The following IL17RD variants were observed in gnomAD, a reference collection of about 807,000 sequenced individuals.
IL17RD encodes interleukin-17 receptor D.
A neutral mutation model predicts 80.5 loss-of-function variants in IL17RD; 52 were observed. The ratio of observed to expected loss-of-function variants is 0.65; its 90% confidence interval spans 0.52 to 0.81. The LOEUF (loss-of-function observed/expected upper bound fraction) is 0.81. Among genes scored for constraint, IL17RD ranks in the 40% least tolerant of loss-of-function variants. The pLI is 0.00. For missense variants in IL17RD, 1,024 were observed against 955.1 expected (o/e 1.07, Z -0.95); for synonymous variants, 416 against 391.8 (o/e 1.06, Z -0.73).
chr3:57,154,283 T>TATATATACACACACACACACACAC (rs904157398), intron 1 of IL17RD, among the ~76,000 whole-genome samples: 13 of 112,910 alleles, frequency 1.2e-4, no homozygotes, highest in African/African-American at 4.1e-4. Context: ...TATATATATA[T>TATATATACACACACACACACACAC]ACACACACAC....
rs1435703619 is a variant in IL17RD at position 57,100,985 on chromosome 3, T to C, written c.1164+194A>G. Among the ~76,000 whole-genome samples the C allele has an allele frequency of 2.0e-5, 3 of 152,148 alleles. No homozygotes were observed. In the East Asian group the frequency reaches 5.8e-4, roughly 29 times the overall value. The stretch of plus-strand genomic sequence containing the variant: ...TTGTCAGAGTTAGAACTAAGTATTA[T>C]GAAATATTTAGTGCTGGTGATGGGT... On this transcript the variant is annotated intron_variant, in intron 11 of 12. Transcript: ENST00000296318.
intron 1 of IL17RD, chr3:57,134,429 A>C (rs1707677875): frequency 2.6e-6 from 2 of 755,418 alleles, no homozygotes; most frequent in Non-Finnish European, 4.8e-6. Context: ...GGATGAGGAG[A>C]ATGCGGATTC....
At chr3:57,115,396 G>T (rs1336384729) in intron 2 of IL17RD, among the ~76,000 whole-genome samples, 2 of 152,008 alleles carry the variant, frequency 1.3e-5, no homozygotes, top group African/African-American at 4.8e-5. Context: ...TAAAATTTTT[G>T]TTCTTAGACA....
intron 1 of IL17RD, among the ~76,000 whole-genome samples, chr3:57,141,442 A>G (rs1707826442): frequency 6.6e-6 from 1 of 152,114 alleles, no homozygotes; most frequent in Non-Finnish European, 1.5e-5. Context: ...AGCAGTTTTC[A>G]TTTCTGAGGG....
intron 8 of IL17RD, 47 bp from the exon 9 acceptor site, chr3:57,103,192 AC>A (rs1706877293): frequency 1.3e-6 from 2 of 1,484,734 alleles, no homozygotes; most frequent in African/African-American, 1.4e-5. Context: ...AGTGATATAT[AC>A]CAGGTAAGTG....
intron 1 of IL17RD, among the ~76,000 whole-genome samples, chr3:57,146,762 AAAAG>A (rs1382668694): frequency 6.7e-6 from 1 of 150,296 alleles, no homozygotes; most frequent in Non-Finnish European, 1.5e-5. Flanking sequence ...AAAAAAAAAA[AAAAG>A]AAAGAAAAAA....
At position 57,102,460 on chromosome 3, in the gene IL17RD, A is replaced by G; in HGVS notation, c.979+19T>C. ...GGCCTGCCCCTTGTTGTGGGGAGAC[A>G]CAGCACACAAAGAGATACCTTGTTG... On this transcript the variant is annotated intron_variant, in intron 10 of 12. Coordinates refer to ENST00000296318, the MANE Select transcript of IL17RD (RefSeq NM_017563.5). 2 of 1,416,640 alleles carry G rather than the reference A, an allele frequency of 1.4e-6. No individual in the cohort carries two copies. Among genetic ancestry groups the G allele is most frequent in the Non-Finnish European group, 1.9e-6 (2 of 1,027,852 alleles). The allele number at this position is 1,416,640 out of a possible 1,614,324, so 87.8% of individuals were successfully genotyped here.
intron 11 of IL17RD, among the ~76,000 whole-genome samples, chr3:57,100,272 GT>G (rs1283612955): frequency 6.6e-6 from 1 of 152,224 alleles, no homozygotes; most frequent in Admixed American, 6.5e-5. Flanking sequence ...GGCTAGCGTA[GT>G]ATGTTATGTT....
chr3:57,168,450 G>T (rs2060356699), upstream of IL17RD, among the ~76,000 whole-genome samples: 1 of 152,150 alleles, frequency 6.6e-6, no homozygotes, highest in African/African-American at 2.4e-5. Flanking sequence ...GCACAAGAAG[G>T]AAAAGCCTTA....
Position 57,097,843 on chromosome 3 carries a change from G to C in IL17RD, c.1860C>G (p.His620Gln), listed in dbSNP as rs775991238. ...GGTCCAGGCCCCCATGCTGACTCTCGTGCTGGGAGTCGGCTGGTCCGGTTG... is the reference window on the plus strand; with the variant it reads ...GGTCCAGGCCCCCATGCTGACTCTCCTGCTGGGAGTCGGCTGGTCCGGTTG... Reference protein sequence around the residue: ...LGATGPADSQHESQHGGLDQD... With the variant: ...LGATGPADSQQESQHGGLDQD... The change falls in exon 12 of 13, where the codon CAC (histidine) becomes CAG (glutamine). Residue 620 changes from histidine to glutamine, a missense_variant. Transcript: ENST00000296318. 3.8e-5 allele frequency: 61 copies of C among 1,612,742 alleles called. No individual in the cohort carries two copies. In the Middle Eastern group the frequency reaches 9.9e-4, roughly 26 times the overall value.
rs753934953 is a variant in IL17RD, at chr3:57,103,101, G to A, written c.858C>T (p.Ala286=). Residue 286 remains alanine, a synonymous_variant, in exon 9 of 13, where the codon GCC becomes GCT. Transcript: ENST00000296318. ...CAAAAAAGCACCTACCTGGCTTTAA[G>A]GCATAATGCATCACTTTTCTTGTTG... ...TNTTRKVMHY[A]LKPVHSPWAG... is the part of the protein sequence containing the mutation. 387 of 1,600,420 alleles carry A rather than the reference G, an allele frequency of 2.4e-4. 3 individuals are homozygous for A. Among genetic ancestry groups the A allele is most frequent in the South Asian group, 1.1e-3 (93 of 88,444 alleles).
In IL17RD at chr3:57,094,633, A is replaced by G. The variant is rs1706629230; in HGVS notation, c.*1760T>C. The G allele has an allele frequency of 1.3e-5, 2 of 152,196 alleles. No individual in the cohort carries two copies. The allele number at this position is 152,196 out of a possible 1,614,324, so 9.4% of individuals were successfully genotyped here. A position where few individuals can be genotyped will look rare whatever the true frequency, so the allele number is the denominator to read the frequency against. On this transcript the variant is annotated 3_prime_UTR_variant, in exon 13 of 13. Coordinates refer to ENST00000296318, the MANE Select transcript of IL17RD (RefSeq NM_017563.5). Reference sequence around the variant, plus strand: ...TGGCCTCAATAAGAAATCTCTCATCATGTTCCAAGTGAATTTTCGTATGTT... The same window carrying G: ...TGGCCTCAATAAGAAATCTCTCATCGTGTTCCAAGTGAATTTTCGTATGTT...
upstream of IL17RD, among the ~76,000 whole-genome samples, chr3:57,166,569 T>A (rs2060349364): frequency 6.6e-6 from 1 of 150,924 alleles, no homozygotes; most frequent in African/African-American, 2.4e-5. Context: ...AAAAAAACAG[T>A]AAAATTATGT....
chr3:57,110,069 C>A, intron 4 of IL17RD, 124 bp downstream of exon 4: 2 of 1,097,384 alleles, frequency 1.8e-6, no homozygotes, highest in South Asian at 1.5e-5. Context: ...ACCATTCTTG[C>A]CCACCTTGGC....
At chr3:57,110,101 C>A in intron 4 of IL17RD, 92 bp downstream of exon 4, 3 of 1,443,786 alleles carry the variant, frequency 2.1e-6, no homozygotes, top group East Asian at 5.0e-5. Context: ...ACCCCATAGC[C>A]CCTCCTTCTC....
At chr3:57,124,399 G>C (rs1468219070) in intron 1 of IL17RD, among the ~76,000 whole-genome samples, 2 of 152,134 alleles carry the variant, frequency 1.3e-5, no homozygotes, top group East Asian at 3.9e-4. Context: ...TTATCCAAGT[G>C]GGCCCAATAA....
At position 57,142,696 on chromosome 3, in the gene IL17RD, T is replaced by G. The variant is rs1002054586; in HGVS notation, c.127-22383A>C. On this transcript the variant is annotated intron_variant, in intron 1 of 12. Transcript: ENST00000296318. ...AAAGTTGGGCGGGGCGGGGGGGAGG[T>G]TGGTGGGAGGGAAGAGGAGACTTTG... is the stretch of plus-strand genomic sequence containing the variant. The G allele has an allele frequency of 3.3e-5, 5 of 152,952 alleles. No individual in the cohort carries two copies. In the East Asian group the frequency reaches 9.7e-4, roughly 30 times the overall value. The allele number at this position is 152,952 out of a possible 1,614,324, so 9.5% of individuals were successfully genotyped here. A position where few individuals can be genotyped will look rare whatever the true frequency, so the allele number is the denominator to read the frequency against.
At position 57,096,409 on chromosome 3, in the gene IL17RD, GC is replaced by G; in HGVS notation, c.2203del (p.Ala735ArgfsTer37). On this transcript the variant is annotated frameshift_variant, in exon 13 of 13. Transcript: ENST00000296318. LOFTEE classifies it high-confidence loss of function. ...TTCGTTTTGTTACAAAGGGGCGACC[GC>G]GTGGAGTTCATCAGTGTAGCTGCGG... is the stretch of plus-strand genomic sequence containing the variant. The part of the protein sequence containing the change: ...GCRSYTDELH[A>X]VAPL The G allele has an allele frequency of 6.2e-7, 1 of 1,612,850 alleles. No individual in the cohort carries two copies. Among genetic ancestry groups the G allele is most frequent in the Non-Finnish European group, 8.5e-7 (1 of 1,178,844 alleles).
chr3:57,115,765 C>T (rs80095764), intron 2 of IL17RD, among the ~76,000 whole-genome samples: 26,253 of 152,074 alleles, frequency 0.17, 2,703 homozygotes, highest in East Asian at 0.37. Flanking sequence ...CTTGAACACC[C>T]TCTCTTTTAG....
Sources: gnomAD v4.1 joint callset for allele counts (sites outside exome capture counted in the v4.1 genomes callset) on GRCh38, gnomAD v4.1.1 for gene constraint, MANE v1.5 for transcripts, NCBI Gene and HGNC (gene_info 2026-07-23, HGNC 2026-07-21) for gene names.